Variants in PPARGC1B observed in about 807,000 individuals in gnomAD.
The protein encoded by PPARGC1B is peroxisome proliferator-activated receptor gamma coactivator 1-beta.
PPARGC1B carries 34 observed loss-of-function variants against 101.6 expected under a neutral mutation model. That is an observed-to-expected ratio of 0.33 (90% CI 0.25 to 0.45). The LOEUF (loss-of-function observed/expected upper bound fraction) is 0.45. PPARGC1B is among the 20% of genes least tolerant of loss of function. The pLI, the probability that PPARGC1B is intolerant of heterozygous loss-of-function variation, is 1.00. For missense variants in PPARGC1B, 1,234 were observed against 1,317.6 expected, an observed-to-expected ratio of 0.94 and a Z score of 0.98; for synonymous variants, 548 against 539.3, an observed-to-expected ratio of 1.02 and a Z score of -0.22.
intron 1 of PPARGC1B, among the ~76,000 whole-genome samples, chr5:149,789,147 A>T (rs1254528475): frequency 6.6e-6 from 1 of 152,220 alleles, no homozygotes; most frequent in Admixed American, 6.5e-5. Context: ...GAGGCCTGTG[A>T]TCGCCTAGTA....
chr5:149,784,442 G>C, intron 1 of PPARGC1B, among the ~76,000 whole-genome samples: 1 of 151,866 alleles, frequency 6.6e-6, no homozygotes. Context: ...GTGGCCCCCT[G>C]GTCTTGGGGC....
At chr5:149,825,769 C>T (rs1490348873) in intron 2 of PPARGC1B, among the ~76,000 whole-genome samples, 1 of 152,084 alleles carries the variant, frequency 6.6e-6, no homozygotes, top group Admixed American at 6.6e-5. Flanking sequence ...AGAGTAGCCA[C>T]CGGGAAGGGG....
At position 149,826,691 on chromosome 5, in the gene PPARGC1B, G is replaced by A. The variant is rs763781481; in HGVS notation, c.271G>A (p.Ala91Thr). ...ELFQIDSENEALLAELTKTLD... is the reference protein window; with the variant it reads ...ELFQIDSENETLLAELTKTLD... ...ACTCCAGATTGACAGTGAGAATGAG[G>A]CCCTCCTGGCAGAGCTCACCAAGAC... The change falls in exon 3 of 12, where the codon GCC (alanine) becomes ACC (threonine). Residue 91 changes from alanine (A) to threonine (T), a missense_variant. Ala to Thr is a moderately conservative substitution (Grantham distance 58, BLOSUM62 0). This residue lies in a region of PPARGC1B where 734 missense variants were observed against 768.4 expected (regional missense o/e 0.96). Transcript: ENST00000309241. 1 of 1,613,884 alleles carries A rather than the reference G, an allele frequency of 6.2e-7. No individual in the cohort carries two copies. The highest frequency in any genetic ancestry group is 1.3e-5 in the African/African-American group (1 of 74,888).
rs768846072 is a variant in PPARGC1B, at chr5:149,832,338, G to A, written c.583-318G>A. Among the ~76,000 whole-genome samples the A allele has an allele frequency of 2.6e-5, 4 of 152,120 alleles. No individual in the cohort carries two copies. The highest frequency in any genetic ancestry group is 4.4e-5 in the Non-Finnish European group (3 of 68,020). Reference sequence around the variant, plus strand: ...CCAGGCTACCATGAACCTACTGCCCGGCTCTTGGCTGAGGGGTACGGAGCA... The same window carrying A: ...CCAGGCTACCATGAACCTACTGCCCAGCTCTTGGCTGAGGGGTACGGAGCA... On this transcript the variant is annotated intron_variant, in intron 4 of 11. Coordinates refer to ENST00000309241, the MANE Select transcript of PPARGC1B (RefSeq NM_133263.4). The surrounding 1 kb of genome is among the most constrained non-coding windows in gnomAD (Gnocchi z 4.9).
chr5:149,818,907 C>T, intron 1 of PPARGC1B: 1 of 456,472 alleles, frequency 2.2e-6, no homozygotes, highest in South Asian at 1.6e-5. Flanking sequence ...CCAAAGTCCA[C>T]AACTGGTGAA....
At chr5:149,789,914 T>C (rs1775102221) in intron 1 of PPARGC1B, among the ~76,000 whole-genome samples, 1 of 152,208 alleles carries the variant, frequency 6.6e-6, no homozygotes, top group African/African-American at 2.4e-5. Flanking sequence ...CAGGGCTTGA[T>C]GACACTTTTC....
chr5:149,730,561 C>A lies in PPARGC1B; in HGVS notation c.78+141C>A. On this transcript the variant is annotated intron_variant, in intron 1 of 11. Coordinates refer to ENST00000309241, the MANE Select transcript of PPARGC1B (RefSeq NM_133263.4). The surrounding 1 kb of genome is among the most constrained non-coding windows in gnomAD (Gnocchi z 4.0). ...CAGGCTGCAGAGCCCCCCTTCCAGGCGCCCTGCGATGCGCTCCGTTACCGG... is the reference window on the plus strand; with the variant it reads ...CAGGCTGCAGAGCCCCCCTTCCAGGAGCCCTGCGATGCGCTCCGTTACCGG... The A allele has an allele frequency of 1.6e-6, 1 of 607,740 alleles. No individual in the cohort carries two copies. The highest frequency in any genetic ancestry group is 2.7e-5 in the South Asian group (1 of 37,638). The allele number at this position is 607,740 out of a possible 1,614,324, so 37.6% of individuals were successfully genotyped here. A position where few individuals can be genotyped will look rare whatever the true frequency, so the allele number is the denominator to read the frequency against.
intron 1 of PPARGC1B, among the ~76,000 whole-genome samples, chr5:149,785,418 C>G (rs1277790829): frequency 6.6e-6 from 1 of 152,242 alleles, no homozygotes. Context: ...CTGGGAGAAT[C>G]AAATGAGAGA....
Position 149,853,437 on chromosome 5 carries a change from G to A in PPARGC1B, c.*5879G>A, listed in dbSNP as rs1178011746. On this transcript the variant is annotated 3_prime_UTR_variant, in exon 12 of 12. Transcript: ENST00000309241. The surrounding 1 kb of genome is among the most constrained non-coding windows in gnomAD (Gnocchi z 4.2). ...AGCTGTCCTGTGGGCAGAAGAGACA[G>A]GAGTGGACCAGGAGAGGTCCAGGTG... The A allele has an allele frequency of 1.3e-5, 2 of 152,244 alleles. No individual in the cohort carries two copies. Among genetic ancestry groups the A allele is most frequent in the Non-Finnish European group, 2.9e-5 (2 of 68,070 alleles). 9.4% of individuals were successfully genotyped at this position (152,244 alleles called of 1,614,324 possible). A position where few individuals can be genotyped will look rare whatever the true frequency, so the allele number is the denominator to read the frequency against.
Position 149,836,873 on chromosome 5 carries a change from A to G in PPARGC1B, c.2418A>G (p.Pro806=), listed in dbSNP as rs752771275. The G allele has an allele frequency of 1.7e-5, 27 of 1,611,152 alleles. No individual in the cohort carries two copies. The African/African-American group carries it at 3.5e-4, about 21-fold the overall frequency. ...SSSSGESSFL[P]EEEEEEGEEE... is the part of the protein sequence containing the mutation. ...GCAGCGGCGAGAGCAGCTTCCTCCCAGAGGAGGAAGAGGAAGAAGGGGAGG... is the reference window on the plus strand; with the variant it reads ...GCAGCGGCGAGAGCAGCTTCCTCCCGGAGGAGGAAGAGGAAGAAGGGGAGG... Residue 806 remains proline (P), a synonymous_variant, in exon 8 of 12, where the codon CCA becomes CCG. Coordinates refer to ENST00000309241, the MANE Select transcript of PPARGC1B (RefSeq NM_133263.4).
At chr5:149,826,627 C>A in intron 2 of PPARGC1B, 46 bp from the exon 3 acceptor site, 1 of 1,449,498 alleles carries the variant, frequency 6.9e-7, no homozygotes, top group South Asian at 1.2e-5. Flanking sequence ...GGTGACTAAC[C>A]ATCTCCCCAT....
intron 1 of PPARGC1B, chr5:149,817,516 TC>T (rs1268070690): frequency 3.0e-6 from 1 of 338,948 alleles, no homozygotes; most frequent in Non-Finnish European, 5.8e-6. Context: ...AGATTTTGTT[TC>T]CTGTTATCTT....
rs200766301 is a variant in PPARGC1B, at chr5:149,826,839, C to T, written c.419C>T (p.Pro140Leu). The T allele has an allele frequency of 2.2e-5, 36 of 1,613,818 alleles. No individual in the cohort carries two copies. Among genetic ancestry groups the T allele is most frequent in the East Asian group, 8.9e-5 (4 of 44,882 alleles). Residue 140 changes from proline to leucine, a missense_variant, in exon 3 of 12, where the codon CCG becomes CTG. By Grantham distance (98) the Pro-to-Leu change is moderately conservative. This residue lies in a region of PPARGC1B where 734 missense variants were observed against 768.4 expected (regional missense o/e 0.96). Transcript: ENST00000309241. The part of the protein sequence containing the change: ...APSSAPPSPA[P>L]EKPSAPAPEV... ...TCATCTGCACCCCCCAGCCCTGCCC[C>T]GGAGAAGCCCTCGGCCCCAGCCCCT...
chr5:149,772,241 G>C, intron 1 of PPARGC1B: 1 of 1,564,970 alleles, frequency 6.4e-7, no homozygotes, highest in Non-Finnish European at 8.7e-7. Context: ...GGAGGGTGTT[G>C]GGTAGACACA....
At chr5:149,757,272 C>G (rs561238984) in intron 1 of PPARGC1B, among the ~76,000 whole-genome samples, 2 of 150,462 alleles carry the variant, frequency 1.3e-5, no homozygotes, top group Non-Finnish European at 3.0e-5. Context: ...GCTTGTCATT[C>G]GTCATAAAGT....
chr5:149,842,257 G>C lies in PPARGC1B; in HGVS notation c.2696G>C (p.Gly899Ala), dbSNP rs1463855144. ...HARKRREKAI[G>A]EGRVVYIQNL... ...CTCTCTGTCCTCCTTCTTGGGCAGG[G>C]GGAAGGCCGCGTGGTGTACATTCAA... is the stretch of plus-strand genomic sequence containing the variant. The change falls in exon 10 of 12, where the codon GGG (glycine) becomes GCG (alanine). Residue 899 changes from glycine (G) to alanine (A), a missense_variant and splice_region_variant. Transcript: ENST00000309241. 1.2e-6 allele frequency: 2 copies of C among 1,613,070 alleles called. No individual in the cohort carries two copies. The highest frequency in any genetic ancestry group is 2.2e-5 in the South Asian group (2 of 91,016).
At chr5:149,748,464 T>A (rs571052896) in intron 1 of PPARGC1B, among the ~76,000 whole-genome samples, 8 of 152,152 alleles carry the variant, frequency 5.3e-5, no homozygotes, top group African/African-American at 1.7e-4. Flanking sequence ...GGTGACAGTT[T>A]AGTGGAGGAA....
downstream of PPARGC1B, among the ~76,000 whole-genome samples, chr5:149,856,787 T>G (rs992536623): frequency 1.9e-4 from 29 of 151,146 alleles, no homozygotes; most frequent in African/African-American, 6.3e-4. Flanking sequence ...TTTTTTTTTT[T>G]TGTGATGGAG....
At chr5:149,855,177 C>T (rs531566152), downstream of PPARGC1B, among the ~76,000 whole-genome samples, 6 of 152,256 alleles carry the variant, frequency 3.9e-5, no homozygotes, top group Admixed American at 1.3e-4. Flanking sequence ...CTTCTCCCTC[C>T]TTCAGAGCAC....
Sources: gnomAD v4.1 joint callset for allele counts (sites outside exome capture counted in the v4.1 genomes callset) on GRCh38, gnomAD v4.1.1 for gene constraint, gnomAD v4.1.1 regional missense constraint, Gnocchi (gnomAD v3.1) non-coding constraint, MANE v1.5 for transcripts, NCBI Gene and HGNC (gene_info 2026-07-23, HGNC 2026-07-21) for gene names.